BAHD1: variants seen among roughly 807,000 people sequenced by gnomAD.
The protein encoded by BAHD1 is bromo adjacent homology domain-containing 1 protein.
BAHD1 carries 20 observed loss-of-function variants against 63.1 expected under a neutral mutation model. That is an observed-to-expected ratio of 0.32 (90% CI 0.22 to 0.46). The LOEUF (loss-of-function observed/expected upper bound fraction) is 0.46. BAHD1 is among the 20% of genes least tolerant of loss of function. The pLI, the probability that BAHD1 is intolerant of heterozygous loss-of-function variation, is 1.00. For missense variants in BAHD1, 939 were observed against 1,071.8 expected, an observed-to-expected ratio of 0.88 and a Z score of 1.73; for synonymous variants, 408 against 426.8, an observed-to-expected ratio of 0.96 and a Z score of 0.54.
At chr15:40,440,950 G>C (rs1370630566), upstream of BAHD1, among the ~76,000 whole-genome samples, 2 of 151,956 alleles carry the variant, frequency 1.3e-5, no homozygotes, top group African/African-American at 2.4e-5. Context: ...CTCCGCTCTC[G>C]GGGAGTTTGT....
intron 1 of BAHD1, among the ~76,000 whole-genome samples, chr15:40,443,720 GCTTC>G (rs1244579460): frequency 1.3e-5 from 2 of 152,004 alleles, no homozygotes; most frequent in African/African-American, 4.8e-5. Flanking sequence ...TTTCCCTCCT[GCTTC>G]CTTTGGCCCT....
chr15:40,440,162 CA>C (rs1488986412), upstream of BAHD1, among the ~76,000 whole-genome samples: 1 of 152,148 alleles, frequency 6.6e-6, no homozygotes, highest in East Asian at 1.9e-4. Flanking sequence ...GAGGGCTCCA[CA>C]CTCTGCTTCT....
chr15:40,457,827 G>A (rs1387835827), intron 1 of BAHD1, among the ~76,000 whole-genome samples: 1 of 152,180 alleles, frequency 6.6e-6, no homozygotes, highest in Non-Finnish European at 1.5e-5. Flanking sequence ...GGCTAACACG[G>A]TGAAACCCCC....
chr15:40,456,413 G>C (rs1893851698), intron 1 of BAHD1, among the ~76,000 whole-genome samples: 1 of 152,228 alleles, frequency 6.6e-6, no homozygotes. Flanking sequence ...GAATGGGTTT[G>C]CCTTCTGTGA....
At chr15:40,448,472 G>A (rs1180471750) in intron 1 of BAHD1, among the ~76,000 whole-genome samples, 1 of 152,230 alleles carries the variant, frequency 6.6e-6, no homozygotes, top group African/African-American at 2.4e-5. Flanking sequence ...AGTAGAGGCA[G>A]TGTGTTGCAG....
At chr15:40,461,408 C>T (rs1217047311) in intron 2 of BAHD1, among the ~76,000 whole-genome samples, 2 of 152,106 alleles carry the variant, frequency 1.3e-5, no homozygotes, top group Non-Finnish European at 2.9e-5. Context: ...GAGGCTGAGG[C>T]GGGCAGATTG....
In BAHD1 at chr15:40,465,381, G is replaced by T; in HGVS notation, c.2099G>T (p.Ser700Ile). 6.2e-7 allele frequency: 1 copy of T among 1,614,196 alleles called. No homozygotes were observed. The highest frequency in any genetic ancestry group is 8.5e-7 in the Non-Finnish European group (1 of 1,180,040). ...VFASRHQDQN[S>I]VACIEEKCYV... ...GCATCGCGACATCAGGACCAGAACA[G>T]TGTGGCCTGCATTGAGGAGAAGTGC... Residue 700 changes from serine (S) to isoleucine (I), a missense_variant, in exon 6 of 7, where the codon AGT (serine) becomes ATT (isoleucine). By Grantham distance (142) the Ser-to-Ile change is moderately radical (BLOSUM62 -2). Coordinates refer to ENST00000416165, the MANE Select transcript of BAHD1 (RefSeq NM_014952.5).
At chr15:40,437,458 C>T (rs1416426102), upstream of BAHD1, among the ~76,000 whole-genome samples, 1 of 152,222 alleles carries the variant, frequency 6.6e-6, no homozygotes, top group Non-Finnish European at 1.5e-5. Flanking sequence ...CCCCACCCCC[C>T]AGGGGCTTCC....
At chr15:40,448,854 G>A (rs749380690) in intron 1 of BAHD1, among the ~76,000 whole-genome samples, 10 of 97,088 alleles carry the variant, frequency 1.0e-4, no homozygotes, top group Non-Finnish European at 1.5e-4. Context: ...TTTTTTTTTT[G>A]AGACGGAGGT....
chr15:40,442,886 C>A (rs1336036838), intron 1 of BAHD1, among the ~76,000 whole-genome samples: 1 of 152,210 alleles, frequency 6.6e-6, no homozygotes, highest in African/African-American at 2.4e-5. Context: ...GACCACATGT[C>A]TTGGAGGGGC....
At chr15:40,452,741 G>T (rs115066667) in intron 1 of BAHD1, among the ~76,000 whole-genome samples, 1 of 152,012 alleles carries the variant, frequency 6.6e-6, no homozygotes, top group Non-Finnish European at 1.5e-5. Flanking sequence ...TGCTCTGCTC[G>T]TGCTGGTGGG....
intron 1 of BAHD1, among the ~76,000 whole-genome samples, chr15:40,448,841 T>C (rs1893622399): frequency 6.6e-6 from 1 of 151,052 alleles, no homozygotes; most frequent in African/African-American, 2.4e-5. Context: ...TAACTCTTTT[T>C]TTTTTTTTTT....
intron 1 of BAHD1, chr15:40,443,442 C>A (rs117037870): frequency 4.4e-6 from 2 of 452,042 alleles, no homozygotes; most frequent in Non-Finnish European, 5.8e-6. Context: ...TGAGGCTACA[C>A]GGCATGTGAT....
intron 1 of BAHD1, among the ~76,000 whole-genome samples, chr15:40,444,866 C>T (rs747093766): frequency 3.3e-5 from 5 of 152,034 alleles, no homozygotes; most frequent in Admixed American, 6.6e-5. Context: ...CCCTTTTGTG[C>T]CCCAGTTTGA....
upstream of BAHD1, among the ~76,000 whole-genome samples, chr15:40,440,298 A>T (rs1893362921): frequency 6.6e-6 from 1 of 152,164 alleles, no homozygotes; most frequent in African/African-American, 2.4e-5. Flanking sequence ...GAGACGTGGC[A>T]GGCAGGGAAG....
At chr15:40,442,317 C>A (rs1002851147) in intron 1 of BAHD1, among the ~76,000 whole-genome samples, 1 of 151,882 alleles carries the variant, frequency 6.6e-6, no homozygotes, top group Admixed American at 6.6e-5. Context: ...CCGGGGCGCC[C>A]GCCGGGAGGA....
At chr15:40,464,132 T>C in intron 4 of BAHD1, 112 bp downstream of exon 4, 1 of 1,267,452 alleles carries the variant, frequency 7.9e-7, no homozygotes, top group East Asian at 2.4e-5. Context: ...CCCGTGTTCC[T>C]GGCACAGAGT....
intron 1 of BAHD1, among the ~76,000 whole-genome samples, chr15:40,444,121 G>GTA (rs1893473791): frequency 2.0e-5 from 3 of 152,032 alleles, no homozygotes; most frequent in Admixed American, 6.6e-5. Flanking sequence ...GTGTGTGTGT[G>GTA]TGTGTGTGTG....
intron 3 of BAHD1, 46 bp from the exon 4 acceptor site, chr15:40,463,815 G>C (rs1235828660): frequency 6.2e-7 from 1 of 1,606,788 alleles, no homozygotes; most frequent in South Asian, 1.1e-5. Flanking sequence ...TCCTTACTCT[G>C]AGTGTGGCTC....
Sources: allele counts gnomAD v4.1 joint callset (sites outside exome capture counted in the v4.1 genomes callset), GRCh38; gene constraint gnomAD v4.1.1; transcripts MANE v1.5; gene names NCBI Gene and HGNC (gene_info 2026-07-23, HGNC 2026-07-21).